Variants in CFAP20DC observed in about 807,000 individuals in gnomAD.
CFAP20DC encodes the protein CFAP20 domain containing.
CFAP20DC carries 84 observed loss-of-function variants against 101.7 expected under a neutral mutation model. That is an observed-to-expected ratio of 0.83 (90% CI 0.69 to 0.99). CFAP20DC has a LOEUF of 0.99. CFAP20DC is among the 50% of genes least tolerant of loss of function. The pLI is 0.00. For missense variants in CFAP20DC, 1,007 were observed against 970.3 expected (o/e 1.04, Z -0.50); for synonymous variants, 359 against 351.2 (o/e 1.02, Z -0.25).
At chr3:58,865,032 T>C (rs554078579) in intron 11 of CFAP20DC, among the ~76,000 whole-genome samples, 2 of 152,070 alleles carry the variant, frequency 1.3e-5, no homozygotes, top group Admixed American at 1.3e-4. Context: ...GTTGAAAGCA[T>C]GCTTTCTTCT....
At chr3:59,011,876 G>T (rs2093591849) in intron 4 of CFAP20DC, among the ~76,000 whole-genome samples, 1 of 152,082 alleles carries the variant, frequency 6.6e-6, no homozygotes, top group African/African-American at 2.4e-5. Context: ...CTTTCACAGG[G>T]ATACATTTAA....
chr3:58,870,631 G>A (rs2080095429), intron 7 of CFAP20DC, among the ~76,000 whole-genome samples: 2 of 150,714 alleles, frequency 1.3e-5, no homozygotes, highest in African/African-American at 2.4e-5. Flanking sequence ...GCTCACGCCT[G>A]TAATCCCAGC....
intron 15 of CFAP20DC, among the ~76,000 whole-genome samples, chr3:58,770,675 G>C (rs2070760923): frequency 6.6e-6 from 1 of 152,192 alleles, no homozygotes; most frequent in South Asian, 2.1e-4. Context: ...TGTTGAAGAA[G>C]CAGGATGCTT....
chr3:59,019,670 T>C (rs1391866581), intron 4 of CFAP20DC, among the ~76,000 whole-genome samples: 1 of 152,084 alleles, frequency 6.6e-6, no homozygotes, highest in Non-Finnish European at 1.5e-5. Context: ...ACCTAATTTA[T>C]AAAACAGATT....
intron 14 of CFAP20DC, among the ~76,000 whole-genome samples, chr3:58,813,076 A>T (rs1468814074): frequency 6.6e-6 from 1 of 151,916 alleles, no homozygotes; most frequent in Admixed American, 6.6e-5. Context: ...ACGAATGAGA[A>T]TTACACATGT....
chr3:58,902,441 A>G (rs1278734527), intron 6 of CFAP20DC, among the ~76,000 whole-genome samples: 1 of 152,104 alleles, frequency 6.6e-6, no homozygotes, highest in Non-Finnish European at 1.5e-5. Context: ...ATTTCTCTAC[A>G]TCCTTGCCAA....
chr3:58,770,383 G>C (rs1233703123), intron 15 of CFAP20DC, among the ~76,000 whole-genome samples: 2 of 152,144 alleles, frequency 1.3e-5, no homozygotes, highest in Non-Finnish European at 1.5e-5. Context: ...CATGGTTCCC[G>C]CCTTTGAGGA....
intron 15 of CFAP20DC, among the ~76,000 whole-genome samples, chr3:58,803,660 C>T (rs1451184199): frequency 6.6e-6 from 1 of 152,174 alleles, no homozygotes; most frequent in Non-Finnish European, 1.5e-5. Flanking sequence ...TGCCAATTCT[C>T]CTAAGCTGTT....
intron 4 of CFAP20DC, among the ~76,000 whole-genome samples, chr3:58,973,600 G>A (rs1461151893): frequency 2.6e-5 from 4 of 152,124 alleles, no homozygotes; most frequent in African/African-American, 9.7e-5. Flanking sequence ...TAGCTAAAAA[G>A]GACTAGAAAT....
At chr3:58,767,914 A>C (rs2070466111) in intron 15 of CFAP20DC, among the ~76,000 whole-genome samples, 1 of 152,226 alleles carries the variant, frequency 6.6e-6, no homozygotes. Context: ...TTCATCTTCA[A>C]GTAGTTTTGG....
rs533752669 is a variant in CFAP20DC at position 58,974,403 on chromosome 3, C to T, written c.279-36641G>A. Among the ~76,000 whole-genome samples, 6 of 152,172 alleles carry T rather than the reference C, an allele frequency of 3.9e-5. No individual in the cohort carries two copies. In the South Asian group the frequency reaches 1.2e-3, roughly 32 times the overall value. ...GTTAATTCACTTAGGAAAATGGACC[C>T]CAGCTGCATCCATGTTGCTGCAAAG... On this transcript the variant is annotated intron_variant, in intron 4 of 16. Transcript: ENST00000482387.
chr3:58,920,103 C>T (rs2085188789), intron 5 of CFAP20DC, among the ~76,000 whole-genome samples: 3 of 80,440 alleles, frequency 3.7e-5, no homozygotes, highest in South Asian at 8.0e-4. Context: ...TTTTTTGAGA[C>T]AGGGCTTTGC....
chr3:59,012,050 C>T (rs1559988882), intron 4 of CFAP20DC, among the ~76,000 whole-genome samples: 1 of 152,162 alleles, frequency 6.6e-6, no homozygotes, highest in Non-Finnish European at 1.5e-5. Flanking sequence ...TAAAGCATAG[C>T]TTATCTCTTC....
rs1205833008 is a variant in CFAP20DC, at chr3:58,914,654, T to C, written c.394-790A>G. 3.3e-5 allele frequency among the ~76,000 whole-genome samples: 5 copies of C among 150,564 alleles called. No homozygotes were observed. Among genetic ancestry groups the C allele is most frequent in the Admixed American group, 3.3e-4 (5 of 15,098 alleles). On this transcript the variant is annotated intron_variant, in intron 5 of 16. Coordinates refer to ENST00000482387, the MANE Select transcript of CFAP20DC (RefSeq NM_001394063.1). This position sits in a 1 kb window ranked among gnomAD's most constrained non-coding sequence, Gnocchi z 4.9. ...TCCATTATTTGTTTAGAAGCAAGGT[T>C]TACATAAGGTCCTGTATATATAAAT...
chr3:59,031,602 C>T (rs2093996217), intron 4 of CFAP20DC, among the ~76,000 whole-genome samples: 1 of 152,084 alleles, frequency 6.6e-6, no homozygotes, highest in Non-Finnish European at 1.5e-5. Context: ...GTGACCATGG[C>T]AGATGATGAA....
intron 4 of CFAP20DC, among the ~76,000 whole-genome samples, chr3:59,032,691 GC>G (rs2094019167): frequency 1.3e-5 from 2 of 152,204 alleles, no homozygotes; most frequent in Non-Finnish European, 2.9e-5. Context: ...AAAGGCAGCA[GC>G]CCCAGTCAGG....
chr3:58,834,396 T>C (rs544172972), intron 13 of CFAP20DC, among the ~76,000 whole-genome samples: 2 of 152,286 alleles, frequency 1.3e-5, no homozygotes, highest in African/African-American at 4.8e-5. Flanking sequence ...ACTTTTACAA[T>C]GAAAAACACA....
chr3:58,753,929 G>T (rs1484087421), intron 15 of CFAP20DC, 66 bp from the exon 16 acceptor site: 31 of 1,099,686 alleles, frequency 2.8e-5, no homozygotes, highest in Non-Finnish European at 3.5e-5. Context: ...GTTTCCCATG[G>T]ATTTTCAGTT....
intron 4 of CFAP20DC, among the ~76,000 whole-genome samples, chr3:58,946,857 C>G (rs1253829053): frequency 6.6e-6 from 1 of 152,170 alleles, no homozygotes; most frequent in Non-Finnish European, 1.5e-5. Context: ...CATGGAAGAG[C>G]AACATCTAAA....
Sources: allele counts gnomAD v4.1 joint callset (sites outside exome capture counted in the v4.1 genomes callset), GRCh38; gene constraint gnomAD v4.1.1; non-coding constraint Gnocchi (gnomAD v3.1); transcripts MANE v1.5; gene names NCBI Gene and HGNC (gene_info 2026-07-23, HGNC 2026-07-21).